EMP2: variants seen among roughly 807,000 people sequenced by gnomAD.
EMP2 encodes epithelial membrane protein 2.
A neutral mutation model predicts 13.7 loss-of-function variants in EMP2; 19 were observed. That is an observed-to-expected ratio of 1.38 (90% CI 0.97 to 2.03). EMP2 has a LOEUF of 2.03. Ranked by LOEUF, EMP2 falls within the 30% of genes most tolerant of loss-of-function variation. The pLI, the probability that EMP2 is intolerant of heterozygous loss-of-function variation, is 0.00. For missense variants in EMP2, 253 were observed against 220.7 expected, an observed-to-expected ratio of 1.15 and a Z score of -0.93; for synonymous variants, 97 against 84.7, an observed-to-expected ratio of 1.15 and a Z score of -0.80.
intron 4 of EMP2, among the ~76,000 whole-genome samples, chr16:10,534,218 C>T (rs1037355395): frequency 2.0e-5 from 3 of 151,922 alleles, no homozygotes; most frequent in Non-Finnish European, 4.4e-5. Flanking sequence ...TAAATATTGT[C>T]GGGGCAGGAT....
chr16:10,576,835 C>T (rs2050987327), intron 1 of EMP2: 1 of 152,234 alleles, frequency 6.6e-6, no homozygotes, highest in Non-Finnish European at 1.5e-5. Flanking sequence ...CTCATTTGGC[C>T]AGTTCTCCTC....
chr16:10,533,740 A>G lies in EMP2; in HGVS notation c.317-648T>C, dbSNP rs544098782. On this transcript the variant is annotated intron_variant, in intron 4 of 4. Coordinates refer to ENST00000359543, the MANE Select transcript of EMP2 (RefSeq NM_001424.6). ...TAGTTTGCCAACCTTCTTCTTGGCA[A>G]TCTGGTTCCTGTTTACTTGTTATAG... Among the ~76,000 whole-genome samples the G allele has an allele frequency of 3.3e-5, 5 of 152,250 alleles. No homozygotes were observed. The East Asian group carries it at 5.8e-4, about 18-fold the overall frequency.
chr16:10,533,847 C>G (rs978015692), intron 4 of EMP2, among the ~76,000 whole-genome samples: 6 of 152,134 alleles, frequency 3.9e-5, no homozygotes, highest in African/African-American at 1.4e-4. Flanking sequence ...GACACGGTGA[C>G]TCATGCCTGT....
intron 1 of EMP2, among the ~76,000 whole-genome samples, chr16:10,573,738 T>C (rs1054020514): frequency 1.3e-5 from 2 of 152,180 alleles, no homozygotes; most frequent in African/African-American, 4.8e-5. Context: ...GACAACCACA[T>C]GGACCTACTC....
chr16:10,570,139 C>T (rs1262482934), intron 1 of EMP2, among the ~76,000 whole-genome samples: 2 of 151,770 alleles, frequency 1.3e-5, no homozygotes, highest in East Asian at 1.9e-4. Context: ...TCTTGCTGGG[C>T]TTAAACAAAT....
intron 1 of EMP2, among the ~76,000 whole-genome samples, chr16:10,549,877 CTTT>C (rs1376274380): frequency 7.3e-6 from 1 of 137,236 alleles, no homozygotes; most frequent in Non-Finnish European, 1.6e-5. Context: ...CTTTTTTTTT[CTTT>C]TTCTTTTTTT....
At chr16:10,556,305 C>G (rs1284489654) in intron 1 of EMP2, among the ~76,000 whole-genome samples, 1 of 151,960 alleles carries the variant, frequency 6.6e-6, no homozygotes, top group African/African-American at 2.4e-5. Flanking sequence ...CATTTCAAGT[C>G]TTCTGTTGCA....
chr16:10,541,288 A>G (rs1361552104), intron 3 of EMP2, among the ~76,000 whole-genome samples: 1 of 152,074 alleles, frequency 6.6e-6, no homozygotes, highest in Non-Finnish European at 1.5e-5. Context: ...TTAAAAGTAA[A>G]CTTTTTAAAG....
At chr16:10,552,579 G>GT (rs1361626823) in intron 1 of EMP2, among the ~76,000 whole-genome samples, 4 of 152,166 alleles carry the variant, frequency 2.6e-5, no homozygotes, top group African/African-American at 9.7e-5. Context: ...TGGTTAAAAT[G>GT]TATTTGTAGC....
intron 1 of EMP2, among the ~76,000 whole-genome samples, chr16:10,561,079 G>T (rs1219903157): frequency 5.3e-5 from 8 of 152,086 alleles, no homozygotes; most frequent in Non-Finnish European, 8.8e-5. Flanking sequence ...AATGATGAGG[G>T]TCTCAAATGA....
intron 1 of EMP2, among the ~76,000 whole-genome samples, chr16:10,549,928 C>G (rs1336234968): frequency 7.1e-6 from 1 of 141,420 alleles, no homozygotes; most frequent in Admixed American, 7.1e-5. Flanking sequence ...CTCTGTTGCC[C>G]AGGCTGGAGT....
Position 10,532,763 on chromosome 16 carries a change from T to TCA in EMP2, c.*141_*142insTG, listed in dbSNP as rs35468276. 1.4e-5 allele frequency: 3 copies of TCA among 213,610 alleles called. No homozygotes were observed. The highest frequency in any genetic ancestry group is 1.1e-4 in the African/African-American group (3 of 27,040). The allele number at this position is 213,610 out of a possible 1,614,324, so 13.2% of individuals were successfully genotyped here. The stretch of plus-strand genomic sequence containing the variant: ...GGATTTTTTTTTTCTTTTTTCTTTT[T>TCA]TTTTTTTTTTTTTTTTTTTTTTTGG... On this transcript the variant is annotated 3_prime_UTR_variant, in exon 5 of 5. Coordinates refer to ENST00000359543, the MANE Select transcript of EMP2 (RefSeq NM_001424.6).
intron 1 of EMP2, among the ~76,000 whole-genome samples, chr16:10,567,298 G>C (rs2050912980): frequency 6.6e-6 from 1 of 152,168 alleles, no homozygotes; most frequent in Non-Finnish European, 1.5e-5. Flanking sequence ...GTTTTCAAGA[G>C]TGTTTTCCTC....
chr16:10,569,505 G>C (rs2050932190), intron 1 of EMP2, among the ~76,000 whole-genome samples: 1 of 151,750 alleles, frequency 6.6e-6, no homozygotes, highest in Non-Finnish European at 1.5e-5. Context: ...TTTTTGTACA[G>C]ATGGGGGTCT....
At chr16:10,554,018 C>G (rs1403102077) in intron 1 of EMP2, among the ~76,000 whole-genome samples, 3 of 148,594 alleles carry the variant, frequency 2.0e-5, no homozygotes, top group Non-Finnish European at 4.5e-5. Context: ...GTATCAAAAC[C>G]TTTTTTTTCT....
At chr16:10,554,124 C>T (rs1159060228) in intron 1 of EMP2, among the ~76,000 whole-genome samples, 1 of 151,922 alleles carries the variant, frequency 6.6e-6, no homozygotes, top group Non-Finnish European at 1.5e-5. Flanking sequence ...CTCCACCTCC[C>T]GAGTTCAAGC....
chr16:10,580,252 C>A lies in EMP2; in HGVS notation c.-61+297G>T, dbSNP rs1373358651. Among the ~76,000 whole-genome samples the A allele has an allele frequency of 1.3e-5, 2 of 152,288 alleles. No individual in the cohort carries two copies. The highest frequency in any genetic ancestry group is 2.9e-5 in the Non-Finnish European group (2 of 68,016). ...ACTCCAAGAGCCCCGGGTGTAAGTC[C>A]GGCGGGGCGAGGGGAGGCGCCCTGA... is the stretch of plus-strand genomic sequence containing the variant. On this transcript the variant is annotated intron_variant, in intron 1 of 4. Coordinates refer to ENST00000359543, the MANE Select transcript of EMP2 (RefSeq NM_001424.6). The surrounding 1 kb of genome is among the most constrained non-coding windows in gnomAD (Gnocchi z 4.3).
At chr16:10,554,061 T>C (rs1437010260) in intron 1 of EMP2, among the ~76,000 whole-genome samples, 2 of 149,578 alleles carry the variant, frequency 1.3e-5, no homozygotes, top group Non-Finnish European at 3.0e-5. Flanking sequence ...AGACGGAGTC[T>C]CGCTCTGTCA....
At chr16:10,564,649 C>T (rs1194842335) in intron 1 of EMP2, among the ~76,000 whole-genome samples, 1 of 152,030 alleles carries the variant, frequency 6.6e-6, no homozygotes, top group African/African-American at 2.4e-5. Flanking sequence ...TAGATACCCC[C>T]AGGCCTTTTT....
Sources: gnomAD v4.1 joint callset for allele counts (sites outside exome capture counted in the v4.1 genomes callset) on GRCh38, gnomAD v4.1.1 for gene constraint, Gnocchi (gnomAD v3.1) non-coding constraint, MANE v1.5 for transcripts, NCBI Gene and HGNC (gene_info 2026-07-23, HGNC 2026-07-21) for gene names.